The following AIG1 variants were observed in gnomAD, a reference collection of about 807,000 sequenced individuals.
AIG1 encodes androgen induced 1.
AIG1 carries 23 observed loss-of-function variants against 31.4 expected under a neutral mutation model. The ratio of observed to expected loss-of-function variants is 0.73; its 90% CI spans 0.53 to 1.04. AIG1 has a LOEUF of 1.04. Ranked by LOEUF, AIG1 falls within the 50% of genes least tolerant of loss-of-function variation. The pLI, the probability that AIG1 is intolerant of heterozygous loss-of-function variation, is 0.00. For missense variants in AIG1, 274 were observed against 295.0 expected, an observed-to-expected ratio of 0.93 and a Z score of 0.52; for synonymous variants, 100 against 110.5, an observed-to-expected ratio of 0.90 and a Z score of 0.60.
chr6:143,283,931 T>G (rs936309461), intron 3 of AIG1, among the ~76,000 whole-genome samples, 179 bp from the exon 4 acceptor site: 12 of 152,340 alleles, frequency 7.9e-5, no homozygotes, highest in African/African-American at 2.9e-4. Context: ...AAAATATTAA[T>G]GGAGCAATCA....
intron 4 of AIG1, among the ~76,000 whole-genome samples, chr6:143,286,313 T>C (rs1797677610): frequency 6.6e-6 from 1 of 152,180 alleles, no homozygotes; most frequent in African/African-American, 2.4e-5. Flanking sequence ...TTACTCATTC[T>C]CTGCATGCCA....
chr6:143,081,268 G>T (rs1327898998), intron 1 of AIG1, among the ~76,000 whole-genome samples: 2 of 152,114 alleles, frequency 1.3e-5, no homozygotes, highest in Non-Finnish European at 2.9e-5. Context: ...CAGTGTAAGT[G>T]ATATTGTATA....
At chr6:143,235,326 G>A (rs1312358569) in intron 3 of AIG1, among the ~76,000 whole-genome samples, 2 of 152,244 alleles carry the variant, frequency 1.3e-5, no homozygotes, top group Middle Eastern at 3.4e-3. Context: ...TCTCTGTGAG[G>A]ACATACGTGT....
At chr6:143,177,327 T>C (rs1415990350) in intron 3 of AIG1, among the ~76,000 whole-genome samples, 1 of 152,208 alleles carries the variant, frequency 6.6e-6, no homozygotes, top group Non-Finnish European at 1.5e-5. Flanking sequence ...ACTTAGAGAA[T>C]TGTTGTGTTC....
At chr6:143,108,552 A>G (rs765606666) in intron 1 of AIG1, among the ~76,000 whole-genome samples, 1 of 152,202 alleles carries the variant, frequency 6.6e-6, no homozygotes, top group African/African-American at 2.4e-5. Flanking sequence ...TTCAGCTGGG[A>G]TGGGGCCCAG....
chr6:143,327,514 T>A lies in AIG1; in HGVS notation c.516-5768T>A. 2.6e-6 allele frequency: 1 copy of A among 380,222 alleles called. No individual in the cohort carries two copies. Among genetic ancestry groups the A allele is most frequent in the Admixed American group, 3.3e-5 (1 of 29,938 alleles). 23.6% of individuals were successfully genotyped at this position (380,222 alleles called of 1,614,324 possible). On this transcript the variant is annotated intron_variant, in intron 4 of 5. Transcript: ENST00000357847. This position sits in a 1 kb window ranked among gnomAD's most constrained non-coding sequence, Gnocchi z 5.3. ...CTGTCTGGGCCAAAGGAATAAGGAA[T>A]GTCCCATACTGTAACCATGTGTGGT...
intron 1 of AIG1, among the ~76,000 whole-genome samples, chr6:143,073,596 T>C (rs967624398): frequency 1.3e-5 from 2 of 152,200 alleles, no homozygotes; most frequent in African/African-American, 4.8e-5. Context: ...TGGTATCTCA[T>C]AGTGGTTTTG....
intron 3 of AIG1, among the ~76,000 whole-genome samples, chr6:143,205,089 A>G (rs146619897): frequency 1.3e-5 from 2 of 152,142 alleles, no homozygotes; most frequent in African/African-American, 2.4e-5. Flanking sequence ...TTGTGTACCA[A>G]ACACATGTAG....
At chr6:143,221,881 C>T (rs1792544781) in intron 3 of AIG1, among the ~76,000 whole-genome samples, 1 of 152,166 alleles carries the variant, frequency 6.6e-6, no homozygotes, top group Non-Finnish European at 1.5e-5. Flanking sequence ...GATCTAGATT[C>T]ACAGTGGAGC....
chr6:143,095,901 CTTTTTTTTTT>C (rs372161832), intron 1 of AIG1, among the ~76,000 whole-genome samples: 1 of 103,696 alleles, frequency 9.6e-6, no homozygotes, highest in Non-Finnish European at 1.9e-5. Flanking sequence ...GCTACTTTAT[CTTTTTTTTTT>C]TTTTTTTTTT....
chr6:143,161,044 A>T (rs1057078625), intron 2 of AIG1, among the ~76,000 whole-genome samples: 1 of 152,196 alleles, frequency 6.6e-6, no homozygotes, highest in Admixed American at 6.5e-5. Flanking sequence ...GTAAATATTT[A>T]ACAATGGGCT....
chr6:143,180,741 A>T lies in AIG1; in HGVS notation c.399+15558A>T, dbSNP rs147028125. Among the ~76,000 whole-genome samples, 653 of 152,324 alleles carry T rather than the reference A, an allele frequency of 4.3e-3. 7 individuals are homozygous for T. Among genetic ancestry groups the T allele is most frequent in the African/African-American group, 0.015 (609 of 41,566 alleles). On this transcript the variant is annotated intron_variant, in intron 3 of 5. Transcript: ENST00000357847. ...ACAAGATCTTGGTATTCTTATAATC[A>T]CAGCAGGAGTTGTTCATTTCCCATG...
At chr6:143,230,532 CAT>C (rs1343195672) in intron 3 of AIG1, among the ~76,000 whole-genome samples, 2 of 149,298 alleles carry the variant, frequency 1.3e-5, no homozygotes, top group Non-Finnish European at 3.0e-5. Context: ...TTATAATAAT[CAT>C]ATTAGTATAA....
chr6:143,294,242 T>TA, intron 4 of AIG1, among the ~76,000 whole-genome samples: 1 of 152,324 alleles, frequency 6.6e-6, no homozygotes, highest in South Asian at 2.1e-4. Context: ...ACTGTAGTCC[T>TA]AGTCTCCACC....
chr6:143,210,765 C>G (rs1791523824), intron 3 of AIG1, among the ~76,000 whole-genome samples: 1 of 152,094 alleles, frequency 6.6e-6, no homozygotes, highest in African/African-American at 2.4e-5. Context: ...TAGAGAGAAA[C>G]CAACATGGCA....
chr6:143,333,574 C>A lies in AIG1; in HGVS notation c.679+129C>A. 1 of 891,800 alleles carries A rather than the reference C, an allele frequency of 1.1e-6. No individual in the cohort carries two copies. Among genetic ancestry groups the A allele is most frequent in the Non-Finnish European group, 1.6e-6 (1 of 635,636 alleles). The allele number at this position is 891,800 out of a possible 1,614,324, so 55.2% of individuals were successfully genotyped here. On this transcript the variant is annotated intron_variant, in intron 5 of 5. Coordinates refer to ENST00000357847, the MANE Select transcript of AIG1 (RefSeq NM_016108.4). The surrounding 1 kb of genome is among the most constrained non-coding windows in gnomAD (Gnocchi z 4.6). Reference sequence around the variant, plus strand: ...ACACAGGATCTCCTATAAAGAGCTCCATTTTTAAAACTACAATATGAATTT... The same window carrying A: ...ACACAGGATCTCCTATAAAGAGCTCAATTTTTAAAACTACAATATGAATTT...
At chr6:143,304,698 G>A (rs1188886420) in intron 4 of AIG1, among the ~76,000 whole-genome samples, 1 of 151,022 alleles carries the variant, frequency 6.6e-6, no homozygotes, top group African/African-American at 2.5e-5. Flanking sequence ...TTTTTTGGTT[G>A]TGTCTCTGCC....
At chr6:143,310,461 T>C (rs1469016222) in intron 4 of AIG1, among the ~76,000 whole-genome samples, 1 of 151,782 alleles carries the variant, frequency 6.6e-6, no homozygotes, top group Non-Finnish European at 1.5e-5. Context: ...AATGAAAATA[T>C]AACTCACCAA....
rs1784115412 is a variant in AIG1 at position 143,140,023 on chromosome 6, A to G, written c.297+3033A>G. Reference sequence around the variant, plus strand: ...GACTTGAGTAATTTATAAAGGAAAGAGGTTTAATTGACTCACAGTTTCACA... The same window carrying G: ...GACTTGAGTAATTTATAAAGGAAAGGGGTTTAATTGACTCACAGTTTCACA... On this transcript the variant is annotated intron_variant, in intron 2 of 5. Coordinates refer to ENST00000357847, the MANE Select transcript of AIG1 (RefSeq NM_016108.4). 3.3e-5 allele frequency among the ~76,000 whole-genome samples: 5 copies of G among 152,346 alleles called. 1 individual carries two copies. The highest frequency in any genetic ancestry group is 3.4e-3 in the Middle Eastern group (1 of 294).
Sources: allele counts gnomAD v4.1 joint callset (sites outside exome capture counted in the v4.1 genomes callset), GRCh38; gene constraint gnomAD v4.1.1; non-coding constraint Gnocchi (gnomAD v3.1); transcripts MANE v1.5; gene names NCBI Gene and HGNC (gene_info 2026-07-23, HGNC 2026-07-21).